GRID1: variants seen among roughly 807,000 people sequenced by gnomAD.
The protein encoded by GRID1 is glutamate receptor ionotropic, delta-1.
A neutral mutation model predicts 98.0 loss-of-function variants in GRID1; 28 were observed. The ratio of observed to expected loss-of-function variants is 0.29; its 90% CI spans 0.21 to 0.39. The LOEUF (loss-of-function observed/expected upper bound fraction) is 0.39, where lower values mean the gene tolerates loss of function less well. GRID1 is among the 10% of genes least tolerant of loss of function. GRID1 has a pLI of 1.00. For missense variants in GRID1, 1,111 were observed against 1,340.5 expected (o/e 0.83, Z 2.67); for synonymous variants, 553 against 538.5 (o/e 1.03, Z -0.37).
chr10:86,178,820 C>G (rs762683805), intron 3 of GRID1, among the ~76,000 whole-genome samples: 2 of 152,116 alleles, frequency 1.3e-5, no homozygotes, highest in African/African-American at 2.4e-5. Flanking sequence ...GCCCAGAGAC[C>G]CTCAAAGCCA....
chr10:86,037,487 T>C (rs1843282086), intron 4 of GRID1, among the ~76,000 whole-genome samples: 1 of 152,238 alleles, frequency 6.6e-6, no homozygotes, highest in South Asian at 2.1e-4. Context: ...GACCAGGGTC[T>C]GTTCCATAGG....
At position 86,206,419 on chromosome 10, in the gene GRID1, C is replaced by G. The variant is rs1297340178; in HGVS notation, c.465G>C (p.Arg155Ser). 6.2e-7 allele frequency: 1 copy of G among 1,612,516 alleles called. No individual in the cohort carries two copies. The highest frequency in any genetic ancestry group is 1.7e-5 in the Admixed American group (1 of 59,998). Residue 155 changes from arginine to serine, a missense_variant, in exon 3 of 16, where the codon AGG becomes AGC. Around this residue, in one of 3 missense-constraint regions of GRID1, gnomAD observed 346 missense variants for 452.3 expected, o/e 0.76. Coordinates refer to ENST00000327946, the MANE Select transcript of GRID1 (RefSeq NM_017551.3). The surrounding 1 kb of genome is among the most constrained non-coding windows in gnomAD (Gnocchi z 4.1). ...TCTGCCAGCGCAGCTCCGTCACCAG[C>G]CTGAGCATGACATCATTGAGGCGGA... ...PPVRLNDVML[R>S]LVTELRWQKF...
intron 8 of GRID1, among the ~76,000 whole-genome samples, chr10:85,764,097 A>G (rs1280146184): frequency 2.0e-5 from 3 of 152,234 alleles, no homozygotes; most frequent in Non-Finnish European, 4.4e-5. Flanking sequence ...TTGTTCAGGA[A>G]CAGGATGATG....
intron 8 of GRID1, among the ~76,000 whole-genome samples, chr10:85,774,674 C>A (rs529926121): frequency 6.6e-6 from 1 of 152,072 alleles, no homozygotes; most frequent in Non-Finnish European, 1.5e-5. Flanking sequence ...AGGACATGAA[C>A]AGACACTTCT....
intron 4 of GRID1, among the ~76,000 whole-genome samples, chr10:86,086,927 T>C (rs916641820): frequency 2.6e-5 from 4 of 152,312 alleles, no homozygotes; most frequent in South Asian, 2.1e-4. Flanking sequence ...TCAGTAAAAG[T>C]TGGCTGAACT....
At chr10:85,722,358 C>T (rs544511053) in intron 12 of GRID1, among the ~76,000 whole-genome samples, 65 of 152,324 alleles carry the variant, frequency 4.3e-4, no homozygotes, top group African/African-American at 1.6e-3. Context: ...AACAACCACA[C>T]ATCCAACCAA....
intron 4 of GRID1, among the ~76,000 whole-genome samples, chr10:86,074,612 A>T (rs1231126898): frequency 6.6e-6 from 1 of 152,230 alleles, no homozygotes; most frequent in Non-Finnish European, 1.5e-5. Context: ...ATGGACACTT[A>T]GGTTGATTCC....
At chr10:85,663,074 A>G (rs1189382547) in intron 12 of GRID1, among the ~76,000 whole-genome samples, 2 of 152,060 alleles carry the variant, frequency 1.3e-5, no homozygotes, top group Non-Finnish European at 2.9e-5. Context: ...GGAACACATC[A>G]CTACCTTCAA....
chr10:86,083,993 G>T (rs1278953312), intron 4 of GRID1, among the ~76,000 whole-genome samples: 12 of 152,236 alleles, frequency 7.9e-5, no homozygotes, highest in African/African-American at 2.7e-4. Flanking sequence ...CGGAGTCCCT[G>T]CTGGACATCA....
At chr10:86,169,420 G>A (rs528392328) in intron 3 of GRID1, among the ~76,000 whole-genome samples, 1 of 152,280 alleles carries the variant, frequency 6.6e-6, no homozygotes, top group South Asian at 2.1e-4. Context: ...TAGATTTCAA[G>A]CTACCAAGGG....
chr10:86,210,073 C>A (rs1367487488), intron 2 of GRID1, among the ~76,000 whole-genome samples: 1 of 152,154 alleles, frequency 6.6e-6, no homozygotes, highest in African/African-American at 2.4e-5. Context: ...ACTGAGGAGA[C>A]AGACTCTGCA....
intron 2 of GRID1, among the ~76,000 whole-genome samples, chr10:86,232,096 C>T (rs1421845815): frequency 6.6e-6 from 1 of 152,136 alleles, no homozygotes; most frequent in East Asian, 1.9e-4. Context: ...GCCAGGAAGC[C>T]CTGAATCCCA....
chr10:85,759,629 A>G lies in GRID1; in HGVS notation c.1234-30015T>C, dbSNP rs117965079. On this transcript the variant is annotated intron_variant, in intron 8 of 15. Coordinates refer to ENST00000327946, the MANE Select transcript of GRID1 (RefSeq NM_017551.3). Reference sequence around the variant, plus strand: ...GGAAAATAATATTTTTTTATATCTAATCCATAATTAGGTCTTGGAGAAACA... The same window carrying G: ...GGAAAATAATATTTTTTTATATCTAGTCCATAATTAGGTCTTGGAGAAACA... Among the ~76,000 whole-genome samples, 125 of 152,350 alleles carry G rather than the reference A, an allele frequency of 8.2e-4. 1 individual carries two copies. In the East Asian group the frequency reaches 0.014, roughly 17 times the overall value.
At chr10:85,995,530 C>T (rs1842730360) in intron 4 of GRID1, among the ~76,000 whole-genome samples, 1 of 152,206 alleles carries the variant, frequency 6.6e-6, no homozygotes. Context: ...TAAGAGCACC[C>T]ACCATGATTC....
chr10:85,647,431 A>G (rs1187299319), intron 12 of GRID1, 34 bp from the exon 13 acceptor site: 28 of 1,529,636 alleles, frequency 1.8e-5, no homozygotes, highest in Non-Finnish European at 2.4e-5. Flanking sequence ...GCATGAGTAC[A>G]TGCTGTGCAT....
intron 3 of GRID1, among the ~76,000 whole-genome samples, chr10:86,177,851 A>AGT (rs201465708): frequency 3.6e-4 from 55 of 152,090 alleles, no homozygotes; most frequent in African/African-American, 1.3e-3. Context: ...CAGAGACTTC[A>AGT]GTGTATGTGT....
intron 4 of GRID1, among the ~76,000 whole-genome samples, chr10:86,014,963 C>CT (rs1842963046): frequency 6.6e-6 from 1 of 152,190 alleles, no homozygotes; most frequent in Non-Finnish European, 1.5e-5. Context: ...TATTCAGATA[C>CT]TTTGTTTCTT....
At chr10:85,878,417 A>T (rs1840937015) in intron 5 of GRID1, among the ~76,000 whole-genome samples, 1 of 152,208 alleles carries the variant, frequency 6.6e-6, no homozygotes, top group Admixed American at 6.5e-5. Flanking sequence ...CTAACAGCAG[A>T]TCTCTCAGCA....
At chr10:85,665,647 A>G (rs1841011170) in intron 12 of GRID1, among the ~76,000 whole-genome samples, 1 of 152,176 alleles carries the variant, frequency 6.6e-6, no homozygotes, top group Non-Finnish European at 1.5e-5. Context: ...CCACCCCACC[A>G]TCTTCTGGAG....
Sources: allele counts gnomAD v4.1 joint callset (sites outside exome capture counted in the v4.1 genomes callset), GRCh38; gene constraint gnomAD v4.1.1; regional missense constraint gnomAD v4.1.1; non-coding constraint Gnocchi (gnomAD v3.1); transcripts MANE v1.5; gene names NCBI Gene and HGNC (gene_info 2026-07-23, HGNC 2026-07-21).